The following UBE2E1 variants were observed in gnomAD, a reference collection of about 807,000 sequenced individuals.
The protein encoded by UBE2E1 is ubiquitin conjugating enzyme E2 E1.
A neutral mutation model predicts 21.4 loss-of-function variants in UBE2E1; 6 were observed. The observed-to-expected ratio is 0.28, with a 90% CI of 0.15 to 0.55. The LOEUF (loss-of-function observed/expected upper bound fraction) is 0.55. Among genes scored for constraint, UBE2E1 ranks in the 20% least tolerant of loss-of-function variants. The pLI, the probability that UBE2E1 is intolerant of heterozygous loss-of-function variation, is 0.93. For missense variants in UBE2E1, 142 were observed against 236.5 expected, an observed-to-expected ratio of 0.60 and a Z score of 2.62; for synonymous variants, 87 against 82.7, an observed-to-expected ratio of 1.05 and a Z score of -0.28.
chr3:23,834,710 C>T (rs896607499), intron 3 of UBE2E1, among the ~76,000 whole-genome samples: 1 of 151,930 alleles, frequency 6.6e-6, no homozygotes, highest in African/African-American at 2.4e-5. Context: ...TCCTGGATGA[C>T]AGAGCGAGAC....
intron 3 of UBE2E1, among the ~76,000 whole-genome samples, chr3:23,829,673 G>A (rs961105727): frequency 6.6e-6 from 1 of 152,130 alleles, no homozygotes; most frequent in South Asian, 2.1e-4. Flanking sequence ...GGTTGAGGTC[G>A]AGCTAATAAG....
chr3:23,813,626 T>C (rs760841331), intron 3 of UBE2E1, among the ~76,000 whole-genome samples: 20 of 152,166 alleles, frequency 1.3e-4, no homozygotes, highest in Non-Finnish European at 2.1e-4. Flanking sequence ...CATTGCAACC[T>C]CCACCTCCCG....
rs1001245005 is a variant in UBE2E1, at chr3:23,842,845, T to C, written c.203+31335T>C. On this transcript the variant is annotated intron_variant, in intron 3 of 5. Coordinates refer to ENST00000306627, the MANE Select transcript of UBE2E1 (RefSeq NM_003341.5). This position sits in a 1 kb window ranked among gnomAD's most constrained non-coding sequence, Gnocchi z 4.6. ...TCTTCTGGAATAGATGTTCAAAAGA[T>C]CAAATTTTCCATATCTCTGTAATCT... 1.1e-4 allele frequency among the ~76,000 whole-genome samples: 16 copies of C among 152,186 alleles called. No individual in the cohort carries two copies. Among genetic ancestry groups the C allele is most frequent in the African/African-American group, 3.4e-4 (14 of 41,458 alleles).
chr3:23,888,976 A>G, intron 4 of UBE2E1, 136 bp from the exon 5 acceptor site: 1 of 878,544 alleles, frequency 1.1e-6, no homozygotes, highest in African/African-American at 1.7e-5. Context: ...ACACTTTCTA[A>G]TCAAATTTAT....
intron 3 of UBE2E1, among the ~76,000 whole-genome samples, chr3:23,878,499 G>A (rs529876341): frequency 1.1e-4 from 17 of 152,312 alleles, no homozygotes; most frequent in Admixed American, 2.6e-4. Flanking sequence ...TAGGAACCAC[G>A]CACATAACAG....
chr3:23,809,062 A>C (rs974043382), intron 2 of UBE2E1, among the ~76,000 whole-genome samples: 6 of 152,214 alleles, frequency 3.9e-5, no homozygotes, highest in Non-Finnish European at 8.8e-5. Context: ...AAACAAGTTA[A>C]GAATTTATTT....
chr3:23,862,874 C>T (rs573186890), intron 3 of UBE2E1, among the ~76,000 whole-genome samples: 3 of 152,126 alleles, frequency 2.0e-5, no homozygotes, highest in East Asian at 1.9e-4. Flanking sequence ...TACAGGCATG[C>T]ACCACCACAC....
At chr3:23,854,203 A>G (rs1268149745) in intron 3 of UBE2E1, among the ~76,000 whole-genome samples, 1 of 149,566 alleles carries the variant, frequency 6.7e-6, no homozygotes, top group Non-Finnish European at 1.5e-5. Context: ...GGTTGCAGTG[A>G]GCCAAAATTG....
At chr3:23,866,083 G>A (rs951562729) in intron 3 of UBE2E1, among the ~76,000 whole-genome samples, 6 of 152,176 alleles carry the variant, frequency 3.9e-5, no homozygotes, top group Non-Finnish European at 1.5e-5. Context: ...GACATGCAGG[G>A]CATAACCTCA....
At chr3:23,882,877 T>G (rs1407390232) in intron 3 of UBE2E1, among the ~76,000 whole-genome samples, 3 of 152,190 alleles carry the variant, frequency 2.0e-5, no homozygotes, top group African/African-American at 7.2e-5. Context: ...CGCTGTTCCA[T>G]GAGCACTGCG....
At chr3:23,850,731 C>CAG (rs1326814668) in intron 3 of UBE2E1, among the ~76,000 whole-genome samples, 1 of 148,672 alleles carries the variant, frequency 6.7e-6, no homozygotes, top group Non-Finnish European at 1.5e-5. Flanking sequence ...TCACCCATGC[C>CAG]AGAGCTGTGG....
chr3:23,869,724 CAAAAAAAAAAAA>C lies in UBE2E1; in HGVS notation c.204-17826_204-17815del, dbSNP rs5847258. Among the ~76,000 whole-genome samples, 34 of 76,890 alleles carry C rather than the reference CAAAAAAAAAAAA, an allele frequency of 4.4e-4. 1 individual carries two copies. Among genetic ancestry groups the C allele is most frequent in the South Asian group, 2.8e-3 (6 of 2,136 alleles). 50.4% of individuals were successfully genotyped at this position (76,890 alleles called of 152,430 possible). On this transcript the variant is annotated intron_variant, in intron 3 of 5. Transcript: ENST00000306627. Reference sequence around the variant, plus strand: ...CAGGCAATATAGTGAGACCCTGTGTCAAAAAAAAAAAAAAAAAAAAAAAAAAAAGATGTCTTA... The same window carrying C: ...CAGGCAATATAGTGAGACCCTGTGTCAAAAAAAAAAAAAAAAGATGTCTTA...
chr3:23,809,110 G>A (rs770684930), intron 2 of UBE2E1, among the ~76,000 whole-genome samples: 1 of 152,174 alleles, frequency 6.6e-6, no homozygotes, highest in Non-Finnish European at 1.5e-5. Context: ...GTAGAAAAAT[G>A]AAAGGTGGGA....
At position 23,887,473 on chromosome 3, in the gene UBE2E1, G is replaced by A. The variant is rs1701214491; in HGVS notation, c.204-94G>A. ...AAGAGAATCCACACAGTAAACAAAA[G>A]AGAGGAGAGAGGTAATCTTTCCATC... On this transcript the variant is annotated intron_variant, in intron 3 of 5. Transcript: ENST00000306627. This position sits in a 1 kb window ranked among gnomAD's most constrained non-coding sequence, Gnocchi z 4.4. 27 of 1,454,766 alleles carry A rather than the reference G, an allele frequency of 1.9e-5. No individual in the cohort carries two copies. The highest frequency in any genetic ancestry group is 1.9e-5 in the Non-Finnish European group (21 of 1,096,754). The allele number at this position is 1,454,766 out of a possible 1,614,324, so 90.1% of individuals were successfully genotyped here.
At chr3:23,877,211 T>A (rs919466252) in intron 3 of UBE2E1, among the ~76,000 whole-genome samples, 3 of 152,202 alleles carry the variant, frequency 2.0e-5, no homozygotes, top group Non-Finnish European at 4.4e-5. Flanking sequence ...GGCGGCACTT[T>A]GAATATCAGT....
intron 1 of UBE2E1, 113 bp from the exon 2 acceptor site, chr3:23,807,124 C>A: frequency 1.3e-6 from 1 of 794,556 alleles, no homozygotes; most frequent in Non-Finnish European, 1.9e-6. Flanking sequence ...GAGTGGAGGG[C>A]GGTGGGCGGC....
chr3:23,840,479 T>C (rs903233083), intron 3 of UBE2E1, among the ~76,000 whole-genome samples: 1 of 152,224 alleles, frequency 6.6e-6, no homozygotes, highest in Non-Finnish European at 1.5e-5. Flanking sequence ...TTTTAAGCTT[T>C]TAAGGCCTCC....
chr3:23,871,014 G>T (rs531201223), intron 3 of UBE2E1, among the ~76,000 whole-genome samples: 1 of 152,286 alleles, frequency 6.6e-6, no homozygotes, highest in East Asian at 1.9e-4. Flanking sequence ...AGATCAACAG[G>T]ATCCCAAGGC....
At chr3:23,889,845 A>G (rs1701319075) in intron 5 of UBE2E1, 1 of 760,524 alleles carries the variant, frequency 1.3e-6, no homozygotes, top group Non-Finnish European at 1.6e-6. Context: ...AGCCATGAGC[A>G]TGTCACTGCA....
Sources: gnomAD v4.1 joint callset for allele counts (sites outside exome capture counted in the v4.1 genomes callset) on GRCh38, gnomAD v4.1.1 for gene constraint, Gnocchi (gnomAD v3.1) non-coding constraint, MANE v1.5 for transcripts, NCBI Gene and HGNC (gene_info 2026-07-23, HGNC 2026-07-21) for gene names.